BCAS3: variants seen among roughly 807,000 people sequenced by gnomAD.
BCAS3 encodes BCAS3 microtubule associated cell migration factor.
In BCAS3, 53 loss-of-function variants were observed where a neutral mutation model predicts 116.1. That is an observed-to-expected ratio of 0.46 (90% confidence interval 0.37 to 0.57). The LOEUF is 0.57. Among genes scored for constraint, BCAS3 ranks in the 20% least tolerant of loss-of-function variants. The pLI is 0.00. For missense variants in BCAS3, 917 were observed against 1,165.4 expected (o/e 0.79, Z 3.10); for synonymous variants, 391 against 408.2 (o/e 0.96, Z 0.51).
intron 11 of BCAS3, among the ~76,000 whole-genome samples, chr17:60,909,982 TG>T (rs1738998307): frequency 6.6e-6 from 1 of 152,180 alleles, no homozygotes; most frequent in Non-Finnish European, 1.5e-5. Context: ...GGACAGAGAT[TG>T]TGTTTTCCAT....
At chr17:60,969,739 A>G (rs978224664) in intron 14 of BCAS3, among the ~76,000 whole-genome samples, 1 of 152,216 alleles carries the variant, frequency 6.6e-6, no homozygotes, top group South Asian at 2.1e-4. Context: ...CATCATAGTC[A>G]TTTTTCTGAA....
At chr17:61,320,152 A>G (rs1602656222) in intron 22 of BCAS3, among the ~76,000 whole-genome samples, 1 of 151,250 alleles carries the variant, frequency 6.6e-6, no homozygotes, top group Non-Finnish European at 1.5e-5. Context: ...GGCCTCCCAA[A>G]GTGCTGGGAT....
At chr17:61,014,421 T>A (rs550816245) in intron 15 of BCAS3, among the ~76,000 whole-genome samples, 1 of 152,074 alleles carries the variant, frequency 6.6e-6, no homozygotes, top group African/African-American at 2.4e-5. Context: ...TAGAACCACA[T>A]GTATATGGTC....
Position 61,363,352 on chromosome 17 carries a change from G to A in BCAS3, c.2426-4975G>A, listed in dbSNP as rs144884674. 6.6e-6 allele frequency among the ~76,000 whole-genome samples: 1 copy of A among 152,286 alleles called. No homozygotes were observed. Among genetic ancestry groups the A allele is most frequent in the East Asian group, 1.9e-4 (1 of 5,180 alleles). ...CTTTATACCTTCGGTAGTTGAGCAG[G>A]TAAGACTTGAACTCATTCTTAGAAA... On this transcript the variant is annotated intron_variant, in intron 22 of 23. Transcript: ENST00000407086. This position sits in a 1 kb window ranked among gnomAD's most constrained non-coding sequence, Gnocchi z 4.9.
At chr17:61,331,761 C>T (rs1158996731) in intron 22 of BCAS3, among the ~76,000 whole-genome samples, 1 of 152,190 alleles carries the variant, frequency 6.6e-6, no homozygotes, top group African/African-American at 2.4e-5. Context: ...GACGAGAACT[C>T]ATGAACACAG....
rs2079425664 is a variant in BCAS3, at chr17:61,180,652, C to A, written c.2425+96088C>A. Among the ~76,000 whole-genome samples, 1 of 152,210 alleles carries A rather than the reference C, an allele frequency of 6.6e-6. No individual in the cohort carries two copies. The highest frequency in any genetic ancestry group is 1.5e-5 in the Non-Finnish European group (1 of 68,038). ...GCATGTGATGGCAGAAGCTTGCTAC[C>A]TGTCTGAGGAGCATCAGTCCCATGC... On this transcript the variant is annotated intron_variant, in intron 22 of 23. Transcript: ENST00000407086. The surrounding 1 kb of genome is among the most constrained non-coding windows in gnomAD (Gnocchi z 6.0).
At chr17:60,903,454 A>G (rs1029106585) in intron 11 of BCAS3, among the ~76,000 whole-genome samples, 2 of 152,224 alleles carry the variant, frequency 1.3e-5, no homozygotes, top group Non-Finnish European at 1.5e-5. Context: ...GGAATTAACC[A>G]TTAGGTCTTT....
intron 6 of BCAS3, among the ~76,000 whole-genome samples, chr17:60,797,333 A>C (rs2047300984): frequency 6.6e-6 from 1 of 152,108 alleles, no homozygotes; most frequent in Admixed American, 6.6e-5. Context: ...ATAGTTGTGC[A>C]AGAGTTTGCT....
chr17:60,893,887 G>A (rs1567811258), intron 10 of BCAS3, among the ~76,000 whole-genome samples: 1 of 151,990 alleles, frequency 6.6e-6, no homozygotes, highest in African/African-American at 2.4e-5. Flanking sequence ...GGGATTGCAG[G>A]CATGAGCCAC....
At position 61,077,433 on chromosome 17, in the gene BCAS3, A is replaced by T. The variant is rs1404654947; in HGVS notation, c.2131-900A>T. ...TGGGGAGGCTGAGGCAGGAGAATGT[A>T]GTGAACCCAGGAGGCGGAGCTTGCA... On this transcript the variant is annotated intron_variant, in intron 20 of 23. Coordinates refer to ENST00000407086, the MANE Select transcript of BCAS3 (RefSeq NM_017679.5). This position sits in a 1 kb window ranked among gnomAD's most constrained non-coding sequence, Gnocchi z 4.3. Among the ~76,000 whole-genome samples the T allele has an allele frequency of 1.3e-5, 2 of 152,078 alleles. No homozygotes were observed. The highest frequency in any genetic ancestry group is 3.9e-4 in the East Asian group (2 of 5,182).
intron 16 of BCAS3, among the ~76,000 whole-genome samples, chr17:61,027,141 A>G (rs908660497): frequency 1.3e-5 from 2 of 151,704 alleles, no homozygotes; most frequent in African/African-American, 2.4e-5. Context: ...AAAACCACAG[A>G]TGAATTTTTT....
chr17:61,052,388 A>G, intron 19 of BCAS3, among the ~76,000 whole-genome samples: 1 of 152,152 alleles, frequency 6.6e-6, no homozygotes, highest in South Asian at 2.1e-4. Context: ...GATCTTCTTT[A>G]TATCTTTTAT....
intron 5 of BCAS3, among the ~76,000 whole-genome samples, chr17:60,711,183 C>A (rs896142540): frequency 6.7e-6 from 1 of 148,972 alleles, no homozygotes; most frequent in African/African-American, 2.5e-5. Flanking sequence ...CTTTACTTTG[C>A]GGAGATAGAA....
rs1491397341 is a variant in BCAS3, at chr17:61,212,557, TAA to T, written c.2425+127997_2425+127998del. On this transcript the variant is annotated intron_variant, in intron 22 of 23. Coordinates refer to ENST00000407086, the MANE Select transcript of BCAS3 (RefSeq NM_017679.5). Reference sequence around the variant, plus strand: ...GGAATAAAGTGTATATATATATATATAAAAACTATATTGTATATTTGCAATAT... The same window carrying T: ...GGAATAAAGTGTATATATATATATATAAACTATATTGTATATTTGCAATAT... Among the ~76,000 whole-genome samples the T allele has an allele frequency of 1.9e-3, 283 of 148,206 alleles. 1 individual carries two copies. The highest frequency in any genetic ancestry group is 5.2e-3 in the African/African-American group (209 of 40,578).
chr17:60,889,782 G>C lies in BCAS3; in HGVS notation c.738+11G>C. The C allele has an allele frequency of 6.2e-7, 1 of 1,604,706 alleles. No individual in the cohort carries two copies. The highest frequency in any genetic ancestry group is 2.2e-5 in the East Asian group (1 of 44,808). The stretch of plus-strand genomic sequence containing the variant: ...TATGCAGAAAACAAGGTAAGACGTG[G>C]CCTGTGTTTGGATTATTTGTAATGG... On this transcript the variant is annotated intron_variant, in intron 10 of 23. Transcript: ENST00000407086.
chr17:61,002,580 T>A (rs1007393716), intron 15 of BCAS3: 1 of 152,160 alleles, frequency 6.6e-6, no homozygotes, highest in Non-Finnish European at 1.5e-5. Flanking sequence ...TTTCTGTGAT[T>A]TATTCTTCAA....
intron 7 of BCAS3, among the ~76,000 whole-genome samples, chr17:60,822,447 CT>C (rs1335696064): frequency 1.3e-5 from 2 of 152,074 alleles, no homozygotes; most frequent in Non-Finnish European, 2.9e-5. Context: ...TATTGTTTAC[CT>C]GCAATTGCTA....
intron 8 of BCAS3, among the ~76,000 whole-genome samples, chr17:60,872,327 A>T (rs2055179257): frequency 6.6e-6 from 1 of 151,754 alleles, no homozygotes; most frequent in Non-Finnish European, 1.5e-5. Flanking sequence ...GTATATCTGT[A>T]TGTATATGCA....
chr17:61,108,524 G>C (rs962487934), intron 22 of BCAS3, among the ~76,000 whole-genome samples: 1 of 148,688 alleles, frequency 6.7e-6, no homozygotes, highest in Non-Finnish European at 1.5e-5. Flanking sequence ...GTTTAGGCTC[G>C]ATTTGGTTTT....
Sources: gnomAD v4.1 joint callset for allele counts (sites outside exome capture counted in the v4.1 genomes callset) on GRCh38, gnomAD v4.1.1 for gene constraint, Gnocchi (gnomAD v3.1) non-coding constraint, MANE v1.5 for transcripts, NCBI Gene and HGNC (gene_info 2026-07-23, HGNC 2026-07-21) for gene names.